Variants in ATXN2 observed in about 807,000 individuals in gnomAD.
The protein encoded by ATXN2 is ataxin-2.
Under a neutral mutation model 138.6 loss-of-function variants are expected in ATXN2, and 37 were observed. The observed-to-expected ratio is 0.27, with a 90% CI of 0.21 to 0.35. The LOEUF is 0.35. Among genes scored for constraint, ATXN2 ranks in the 10% least tolerant of loss-of-function variants. The pLI is 1.00. For missense variants in ATXN2, 1,216 were observed against 1,480.3 expected, an observed-to-expected ratio of 0.82 and a Z score of 2.93; for synonymous variants, 549 against 543.7, an observed-to-expected ratio of 1.01 and a Z score of -0.13.
In ATXN2 at chr12:111,453,862, T is replaced by C. The variant is rs1364214160; in HGVS notation, c.3271-17A>G. 6.3e-7 allele frequency: 1 copy of C among 1,594,058 alleles called. No homozygotes were observed. The highest frequency in any genetic ancestry group is 1.1e-5 in the South Asian group (1 of 89,078). On this transcript the variant is annotated splice_polypyrimidine_tract_variant and intron_variant, in intron 23 of 24. Coordinates refer to ENST00000673436, the MANE Select transcript of ATXN2 (RefSeq NM_001372574.1). The surrounding 1 kb of genome is among the most constrained non-coding windows in gnomAD (Gnocchi z 5.4). ...TACATGAGCCTGAAACAGAGAGCTC[T>C]TTTACGCATACAGGCAACATCTCCG... is the stretch of plus-strand genomic sequence containing the variant.
rs550067549 is a variant in ATXN2 at position 111,503,588 on chromosome 12, AT to A, written c.1935+5960del. On this transcript the variant is annotated intron_variant, in intron 14 of 24. Coordinates refer to ENST00000673436, the MANE Select transcript of ATXN2 (RefSeq NM_001372574.1). ...TTAAAATTTAAGTTCTGGGACACAT[AT>A]TTTTTTTTTCCACTCTCTTTTTTTT... Among the ~76,000 whole-genome samples the A allele has an allele frequency of 1.2e-4, 18 of 149,320 alleles. No individual in the cohort carries two copies. In the South Asian group the frequency reaches 2.1e-3, roughly 18 times the overall value.
intron 1 of ATXN2, among the ~76,000 whole-genome samples, chr12:111,592,280 T>C (rs1307082198): frequency 6.7e-6 from 1 of 149,382 alleles, no homozygotes; most frequent in African/African-American, 2.5e-5. Flanking sequence ...ATCCCAGCTA[T>C]TCGGGAGGGC....
chr12:111,565,478 C>T (rs1679817726), intron 1 of ATXN2, among the ~76,000 whole-genome samples: 1 of 152,176 alleles, frequency 6.6e-6, no homozygotes, highest in East Asian at 1.9e-4. Context: ...TTGTATTTTA[C>T]AATTGTAAAT....
intron 14 of ATXN2, among the ~76,000 whole-genome samples, chr12:111,506,717 G>A (rs889723338): frequency 1.4e-5 from 2 of 138,982 alleles, no homozygotes; most frequent in African/African-American, 2.6e-5. Context: ...ATGCCGAGCC[G>A]AAGCTAGACT....
At chr12:111,508,833 T>C (rs1454224563) in intron 14 of ATXN2, among the ~76,000 whole-genome samples, 1 of 152,156 alleles carries the variant, frequency 6.6e-6, no homozygotes, top group Admixed American at 6.5e-5. Context: ...AAGTAGTATT[T>C]TGAATGTTAC....
At chr12:111,502,911 G>C (rs1217174900) in intron 14 of ATXN2, among the ~76,000 whole-genome samples, 1 of 152,118 alleles carries the variant, frequency 6.6e-6, no homozygotes, top group Non-Finnish European at 1.5e-5. Flanking sequence ...GCTCTCACAG[G>C]AACACTATGA....
intron 2 of ATXN2, among the ~76,000 whole-genome samples, chr12:111,555,674 T>G (rs1882350474): frequency 6.6e-6 from 1 of 152,086 alleles, no homozygotes; most frequent in South Asian, 2.1e-4. Context: ...TTATTAGCAG[T>G]GTAAGAATGG....
At chr12:111,460,110 C>A (rs895458321) in intron 21 of ATXN2, among the ~76,000 whole-genome samples, 1 of 152,120 alleles carries the variant, frequency 6.6e-6, no homozygotes, top group Non-Finnish European at 1.5e-5. Flanking sequence ...GAGACGGAGT[C>A]TCGCTCTGTT....
At chr12:111,528,367 T>C (rs1334538142) in intron 5 of ATXN2, among the ~76,000 whole-genome samples, 1 of 152,164 alleles carries the variant, frequency 6.6e-6, no homozygotes, top group Non-Finnish European at 1.5e-5. Flanking sequence ...TAAATATGTT[T>C]TTACAGTATT....
At chr12:111,555,176 A>T (rs1305075655) in intron 2 of ATXN2, among the ~76,000 whole-genome samples, 1 of 152,164 alleles carries the variant, frequency 6.6e-6, no homozygotes, top group African/African-American at 2.4e-5. Flanking sequence ...ATTAATTCAA[A>T]ATAAAAAGCA....
chr12:111,453,162 G>A lies in ATXN2; in HGVS notation c.3440-322C>T. 1.7e-6 allele frequency: 2 copies of A among 1,162,758 alleles called. No homozygotes were observed. The highest frequency in any genetic ancestry group is 2.1e-6 in the Non-Finnish European group (2 of 942,132). 72.0% of individuals were successfully genotyped at this position (1,162,758 alleles called of 1,614,324 possible). A position where few individuals can be genotyped will look rare whatever the true frequency, so the allele number is the denominator to read the frequency against. The stretch of plus-strand genomic sequence containing the variant: ...CTTTCAGAATAACAGGTCAGACTGT[G>A]AAGTATCGCCATGGCAGCCATCAAG... On this transcript the variant is annotated intron_variant, in intron 24 of 24. Coordinates refer to ENST00000673436, the MANE Select transcript of ATXN2 (RefSeq NM_001372574.1). The surrounding 1 kb of genome is among the most constrained non-coding windows in gnomAD (Gnocchi z 5.4).
intron 5 of ATXN2, among the ~76,000 whole-genome samples, chr12:111,531,753 G>A (rs1277527103): frequency 6.6e-6 from 1 of 152,216 alleles, no homozygotes; most frequent in African/African-American, 2.4e-5. Context: ...CTAGAATGGG[G>A]TAGGGGTATG....
intron 1 of ATXN2, among the ~76,000 whole-genome samples, chr12:111,584,377 C>CAAAAAAAAAAAAAAAAA (rs58678794): frequency 1.8e-4 from 8 of 44,746 alleles, no homozygotes; most frequent in Admixed American, 4.4e-4. Flanking sequence ...GACCCTGTCT[C>CAAAAAAAAAAAAAAAAA]AAAAAAAAAA....
rs1885100957 is a variant in ATXN2 at position 111,598,976 on chromosome 12, TGTTGCTGCTGCTGCTGCTGCTGCTGC to T, written c.33_58del (p.Gln12AlafsTer69). On this transcript the variant is annotated frameshift_variant, in exon 1 of 25. Coordinates refer to ENST00000673436, the MANE Select transcript of ATXN2 (RefSeq NM_001372574.1). LOFTEE classifies it high-confidence loss of function. The surrounding 1 kb of genome is among the most constrained non-coding windows in gnomAD (Gnocchi z 4.5). ...CTGCTGCTGCTGCTGCTGCTGCTGCTGTTGCTGCTGCTGCTGCTGCTGCTGCTGCTGCTGCTGCTGCTGGGGCTTCA... is the reference window on the plus strand; with the variant it reads ...CTGCTGCTGCTGCTGCTGCTGCTGCTTGCTGCTGCTGCTGCTGGGGCTTCA... 31 of 1,433,356 alleles carry T rather than the reference TGTTGCTGCTGCTGCTGCTGCTGCTGC, an allele frequency of 2.2e-5. No individual in the cohort carries two copies. Among genetic ancestry groups the T allele is most frequent in the Middle Eastern group, 2.4e-4 (1 of 4,188 alleles). The allele number at this position is 1,433,356 out of a possible 1,614,324, so 88.8% of individuals were successfully genotyped here. A position where few individuals can be genotyped will look rare whatever the true frequency, so the allele number is the denominator to read the frequency against.
chr12:111,588,022 T>C (rs1022087339), intron 1 of ATXN2, among the ~76,000 whole-genome samples: 1 of 151,670 alleles, frequency 6.6e-6, no homozygotes, highest in Non-Finnish European at 1.5e-5. Context: ...CCACATCTAC[T>C]GAAAATACAA....
chr12:111,504,559 G>A (rs1047615880), intron 14 of ATXN2, among the ~76,000 whole-genome samples: 1 of 152,060 alleles, frequency 6.6e-6, no homozygotes, highest in Admixed American at 6.6e-5. Context: ...CAAAGTGCTG[G>A]GATTACAGGC....
intron 5 of ATXN2, among the ~76,000 whole-genome samples, chr12:111,544,896 A>G (rs1881720232): frequency 6.6e-6 from 1 of 152,210 alleles, no homozygotes; most frequent in African/African-American, 2.4e-5. Context: ...GCGGTGGCTC[A>G]TGCCTGTAAT....
chr12:111,591,756 T>TTTGTTG (rs60763632), intron 1 of ATXN2, among the ~76,000 whole-genome samples: 3 of 151,976 alleles, frequency 2.0e-5, no homozygotes, highest in East Asian at 1.9e-4. Context: ...TTTAGGATTT[T>TTTGTTG]TTGTTGTTGT....
At chr12:111,482,102 A>G (rs1264589609) in intron 18 of ATXN2, among the ~76,000 whole-genome samples, 1 of 151,550 alleles carries the variant, frequency 6.6e-6, no homozygotes, top group Non-Finnish European at 1.5e-5. Context: ...CTGTAATCCC[A>G]GCACTTTGGG....
Sources: gnomAD v4.1 joint callset for allele counts (sites outside exome capture counted in the v4.1 genomes callset) on GRCh38, gnomAD v4.1.1 for gene constraint, Gnocchi (gnomAD v3.1) non-coding constraint, MANE v1.5 for transcripts, NCBI Gene and HGNC (gene_info 2026-07-23, HGNC 2026-07-21) for gene names.